The following DAAM2 variants were observed in gnomAD, a reference collection of about 807,000 sequenced individuals.
DAAM2 encodes the protein dishevelled associated activator of morphogenesis 2, also known as disheveled-associated activator of morphogenesis 2.
Under a neutral mutation model 120.7 loss-of-function variants are expected in DAAM2, and 39 were observed. The observed-to-expected ratio is 0.32, with a 90% CI of 0.25 to 0.42. The LOEUF (loss-of-function observed/expected upper bound fraction) is 0.42. DAAM2 is among the 10% of genes least tolerant of loss of function. The probability of loss-of-function intolerance (pLI) is 1.00; values close to 1 mark genes in which losing one functional copy is unlikely to be tolerated. For synonymous variants in DAAM2, 488 were observed against 524.9 expected (o/e 0.93, Z 0.96); for missense variants, 1,283 against 1,401.7 (o/e 0.92, Z 1.35).
chr6:39,865,189 G>A (rs1475448844), intron 5 of DAAM2, 115 bp downstream of exon 5: 11 of 672,752 alleles, frequency 1.6e-5, no homozygotes, highest in South Asian at 1.0e-4. Context: ...GGCCAACTCT[G>A]CCTCACCTGA....
chr6:39,822,235 T>G (rs950073783), intron 1 of DAAM2: 4 of 152,304 alleles, frequency 2.6e-5, no homozygotes, highest in Admixed American at 2.6e-4. Context: ...GTGAGCTTCC[T>G]GGCCTTGAAT....
At chr6:39,861,923 G>GCTCCTGTGCCCC (rs1443182961) in intron 3 of DAAM2, 1 of 152,402 alleles carries the variant, frequency 6.6e-6, no homozygotes, top group Non-Finnish European at 1.5e-5. Flanking sequence ...TATCCTTTGT[G>GCTCCTGTGCCCC]CTCCTGTGCC....
At chr6:39,795,954 C>A (rs1761687664) in intron 1 of DAAM2, among the ~76,000 whole-genome samples, 1 of 151,988 alleles carries the variant, frequency 6.6e-6, no homozygotes, top group South Asian at 2.1e-4. Context: ...GCAGGAGGGT[C>A]AAGGACCAAT....
rs139775314 is a variant in DAAM2 at position 39,799,251 on chromosome 6, A to C, written c.-57+6786A>C. On this transcript the variant is annotated intron_variant, in intron 1 of 24. Coordinates refer to ENST00000274867, the MANE Select transcript of DAAM2 (RefSeq NM_001201427.2). The stretch of plus-strand genomic sequence containing the variant: ...ACCAACTCTTTGATTTCTTGTCAGC[A>C]GATGTGGTGAAAAGTCGGGTTTTGT... Among the ~76,000 whole-genome samples the C allele has an allele frequency of 3.1e-3, 476 of 152,320 alleles. 4 individuals carry two copies. The highest frequency in any genetic ancestry group is 0.011 in the African/African-American group (455 of 41,584).
intron 15 of DAAM2, chr6:39,886,772 T>TA (rs1765399503): frequency 3.6e-6 from 1 of 278,162 alleles, no homozygotes; most frequent in South Asian, 1.7e-4. Context: ...TTCACAAAGA[T>TA]AACCATGCAA....
chr6:39,897,387 A>G (rs962208930), intron 21 of DAAM2, 105 bp downstream of exon 21: 15 of 714,640 alleles, frequency 2.1e-5, no homozygotes, highest in Non-Finnish European at 1.5e-5. Context: ...CTGGTGTGAG[A>G]CCTCGGTTCT....
intron 20 of DAAM2, 88 bp downstream of exon 20, chr6:39,897,068 A>T (rs1022648212): frequency 6.6e-7 from 1 of 1,510,492 alleles, no homozygotes; most frequent in Non-Finnish European, 9.1e-7. Flanking sequence ...GGACGGGAAC[A>T]TCCTAAGACT....
At chr6:39,861,039 G>T in intron 3 of DAAM2, 22 bp downstream of exon 3, 1 of 1,585,648 alleles carries the variant, frequency 6.3e-7, no homozygotes, top group Non-Finnish European at 8.6e-7. Flanking sequence ...GACCCCTCTG[G>T]CCACATCTCA....
intron 2 of DAAM2, among the ~76,000 whole-genome samples, chr6:39,856,909 C>T (rs1289239215): frequency 5.3e-5 from 8 of 152,126 alleles, no homozygotes; most frequent in Non-Finnish European, 1.0e-4. Flanking sequence ...ACACTGGGCA[C>T]CTCGGAACAG....
chr6:39,859,619 T>C (rs1490924973), intron 2 of DAAM2, among the ~76,000 whole-genome samples: 1 of 152,192 alleles, frequency 6.6e-6, no homozygotes, highest in Non-Finnish European at 1.5e-5. Flanking sequence ...TTTTGAAGAC[T>C]TAGTGTGAAA....
At chr6:39,843,024 G>A (rs1344289063) in intron 1 of DAAM2, among the ~76,000 whole-genome samples, 3 of 152,172 alleles carry the variant, frequency 2.0e-5, no homozygotes, top group Admixed American at 1.3e-4. Flanking sequence ...TTGATGATAT[G>A]TCTTATAATT....
intron 9 of DAAM2, 43 bp downstream of exon 9, chr6:39,871,615 G>T: frequency 6.6e-7 from 1 of 1,521,906 alleles, no homozygotes. Context: ...GGGGTAGTAG[G>T]GTTCTTGGTG....
At chr6:39,800,251 G>A in intron 1 of DAAM2, among the ~76,000 whole-genome samples, 1 of 152,176 alleles carries the variant, frequency 6.6e-6, no homozygotes, top group Non-Finnish European at 1.5e-5. Flanking sequence ...CGTGACGGAT[G>A]TACACAGCCT....
At chr6:39,870,286 G>A (rs1764604326) in intron 7 of DAAM2, 54 bp from the exon 8 acceptor site, 2 of 1,132,004 alleles carry the variant, frequency 1.8e-6, no homozygotes, top group Admixed American at 2.0e-5. Flanking sequence ...CACTGGGGAT[G>A]TTGTGGAAAC....
At chr6:39,842,800 G>A (rs998067462) in intron 1 of DAAM2, among the ~76,000 whole-genome samples, 14 of 151,916 alleles carry the variant, frequency 9.2e-5, no homozygotes, top group African/African-American at 3.4e-4. Context: ...CTTGGGGAAG[G>A]TGGCATCTGC....
chr6:39,887,465 CACTTG>C lies in DAAM2; in HGVS notation c.1954-15_1954-11del, dbSNP rs751509987. On this transcript the variant is annotated splice_polypyrimidine_tract_variant and intron_variant, in intron 15 of 24. Transcript: ENST00000274867. ...TTAGGGAACCCACACCTCAACTGTC[CACTTG>C]ACTTGTTGGTTGCAGAAAGAGCTGG... The C allele has an allele frequency of 3.1e-6, 5 of 1,587,452 alleles. No homozygotes were observed. The African/African-American group carries it at 6.7e-5, about 21-fold the overall frequency.
In DAAM2 at chr6:39,878,255, C is replaced by T. The variant is rs762052729; in HGVS notation, c.1354C>T (p.Arg452Trp). 53 of 1,613,820 alleles carry T rather than the reference C, an allele frequency of 3.3e-5. No individual in the cohort carries two copies. The highest frequency in any genetic ancestry group is 8.3e-5 in the Admixed American group (5 of 59,984). ...GTGGCGAGACCAGGCAGAGAAGTTCCGGAAAGGTGAGGGGCTCTGCTTAAG... is the reference window on the plus strand; with the variant it reads ...GTGGCGAGACCAGGCAGAGAAGTTCTGGAAAGGTGAGGGGCTCTGCTTAAG... ...KQWRDQAEKF[R>W]KEHMELVSRL... is the part of the protein sequence containing the mutation. Residue 452 changes from arginine (R) to tryptophan (W), a missense_variant, in exon 12 of 25, where the codon CGG becomes TGG. Arg to Trp is a moderately radical substitution (Grantham distance 101). This residue lies in a region of DAAM2 where 338 missense variants were observed against 443.9 expected (regional missense o/e 0.76). Transcript: ENST00000274867. The surrounding 1 kb of genome is among the most constrained non-coding windows in gnomAD (Gnocchi z 5.0).
rs1415007399 is a variant in DAAM2, at chr6:39,873,242, A to T, written c.1049A>T (p.His350Leu). 1.9e-6 allele frequency: 3 copies of T among 1,609,434 alleles called. No homozygotes were observed. In the African/African-American group the frequency reaches 4.0e-5, roughly 22 times the overall value. ...CTGTGCCCTCTTCTCTCCCAGGTCCACATCGACACCAAGAGTGCTTCCCAG... is the reference window on the plus strand; with the variant it reads ...CTGTGCCCTCTTCTCTCCCAGGTCCTCATCGACACCAAGAGTGCTTCCCAG... ...LELARRFDMV[H>L]IDTKSASQMF... The change falls in exon 10 of 25, where the codon CAC becomes CTC. Residue 350 changes from histidine (H) to leucine (L), a missense_variant. By Grantham distance (99) the His-to-Leu change is moderately conservative. This residue lies in a region of DAAM2 where 338 missense variants were observed against 443.9 expected (regional missense o/e 0.76). Transcript: ENST00000274867.
At chr6:39,841,306 G>C (rs1392547073) in intron 1 of DAAM2, among the ~76,000 whole-genome samples, 1 of 127,118 alleles carries the variant, frequency 7.9e-6, no homozygotes. Context: ...CCTTGGGGAA[G>C]GGTTGGGGAG....
Sources: gnomAD v4.1 joint callset for allele counts (sites outside exome capture counted in the v4.1 genomes callset) on GRCh38, gnomAD v4.1.1 for gene constraint, gnomAD v4.1.1 regional missense constraint, Gnocchi (gnomAD v3.1) non-coding constraint, MANE v1.5 for transcripts, NCBI Gene and HGNC (gene_info 2026-07-23, HGNC 2026-07-21) for gene names.